Variants in ESRRB observed in about 807,000 individuals in gnomAD.
ESRRB encodes the protein steroid hormone receptor ERR2.
Under a neutral mutation model 46.0 loss-of-function variants are expected in ESRRB, and 16 were observed. The observed-to-expected ratio is 0.35, with a 90% CI of 0.24 to 0.53. The LOEUF is 0.53. Ranked by LOEUF, ESRRB falls within the 20% of genes least tolerant of loss-of-function variation. The probability of loss-of-function intolerance (pLI) is 0.93; values close to 1 mark genes in which losing one functional copy is unlikely to be tolerated. For missense variants in ESRRB, 488 were observed against 607.4 expected, an observed-to-expected ratio of 0.80 and a Z score of 2.07; for synonymous variants, 246 against 259.6, an observed-to-expected ratio of 0.95 and a Z score of 0.50.
At chr14:76,364,966 G>A (rs1884503952) in intron 1 of ESRRB, among the ~76,000 whole-genome samples, 2 of 152,068 alleles carry the variant, frequency 1.3e-5, no homozygotes, top group Admixed American at 1.3e-4. Context: ...AAAAACAAAC[G>A]ATAAGCTGTT....
At chr14:76,339,902 C>G (rs1352683904) in intron 1 of ESRRB, among the ~76,000 whole-genome samples, 5 of 152,182 alleles carry the variant, frequency 3.3e-5, no homozygotes, top group Non-Finnish European at 7.4e-5. Context: ...CCTCGTCACC[C>G]ATAATGAAGG....
intron 5 of ESRRB, among the ~76,000 whole-genome samples, chr14:76,489,260 C>T (rs1402312363): frequency 1.3e-5 from 2 of 152,086 alleles, no homozygotes; most frequent in African/African-American, 4.8e-5. Flanking sequence ...AACACTCCCC[C>T]CAACACACTC....
intron 3 of ESRRB, chr14:76,463,441 C>CTTTGTTTTTTTTGTTTTTT (rs1555342241): frequency 9.1e-6 from 1 of 110,418 alleles, no homozygotes; most frequent in Non-Finnish European, 1.8e-5. Flanking sequence ...TCACATGCTT[C>CTTTGTTTTTTTTGTTTTTT]TTTGTTTTTT....
At position 76,387,227 on chromosome 14, in the gene ESRRB, C is replaced by G. The variant is rs112143900; in HGVS notation, c.50+10776C>G. On this transcript the variant is annotated intron_variant, in intron 1 of 6. Coordinates refer to ENST00000644823, the MANE Select transcript of ESRRB (RefSeq NM_001379180.1). The stretch of plus-strand genomic sequence containing the variant: ...CTCGCCAACAGGGTACCAGCGGACC[C>G]CAGCTTCCCCTCATTCACCTCTCAG... Among the ~76,000 whole-genome samples the G allele has an allele frequency of 1.5e-3, 223 of 152,270 alleles. 2 individuals are homozygous for G. The highest frequency in any genetic ancestry group is 5.1e-3 in the African/African-American group (212 of 41,562).
rs565874551 is a variant in ESRRB, at chr14:76,447,032, G to A, written c.460+7282G>A. Reference sequence around the variant, plus strand: ...ACTAGAACTCCCTCAGCTTCCTGCCGCCAAACCGATGCACTCTCTTCCATG... The same window carrying A: ...ACTAGAACTCCCTCAGCTTCCTGCCACCAAACCGATGCACTCTCTTCCATG... On this transcript the variant is annotated intron_variant, in intron 2 of 6. Coordinates refer to ENST00000644823, the MANE Select transcript of ESRRB (RefSeq NM_001379180.1). Among the ~76,000 whole-genome samples, 4 of 152,156 alleles carry A rather than the reference G, an allele frequency of 2.6e-5. No individual in the cohort carries two copies. The South Asian group carries it at 6.2e-4, about 24-fold the overall frequency.
chr14:76,416,258 C>T (rs999734946), intron 1 of ESRRB, among the ~76,000 whole-genome samples: 3 of 151,592 alleles, frequency 2.0e-5, no homozygotes, highest in African/African-American at 4.9e-5. Context: ...TGCCTCAGCC[C>T]TCCAAGTAGC....
chr14:76,339,180 G>A (rs1208824188), intron 1 of ESRRB, among the ~76,000 whole-genome samples: 1 of 152,176 alleles, frequency 6.6e-6, no homozygotes, highest in African/African-American at 2.4e-5. Context: ...GCACACCCTA[G>A]TGGGTGCAGC....
chr14:76,432,802 G>C (rs977492877), intron 1 of ESRRB, among the ~76,000 whole-genome samples: 4 of 148,594 alleles, frequency 2.7e-5, no homozygotes, highest in Non-Finnish European at 5.9e-5. Context: ...CAGCCTCCCA[G>C]TAGCTAGGAC....
chr14:76,326,985 C>T lies in ESRRB; in HGVS notation c.2+16069C>T, dbSNP rs866403856. Among the ~76,000 whole-genome samples, 8 of 152,376 alleles carry T rather than the reference C, an allele frequency of 5.3e-5. No individual in the cohort carries two copies. The Middle Eastern group carries it at 0.014, about 259-fold the overall frequency. ...CCCCATGCCCAGTTTTTGGCAGCTT[C>T]CAGGGCTGGGAGAGCCTAGGCCTGG... is the stretch of plus-strand genomic sequence containing the variant. On this transcript the variant is annotated intron_variant, in intron 1 of 6. Coordinates refer to the ESRRB transcript ENST00000512784.
chr14:76,314,390 G>A (rs916289046), intron 1 of ESRRB, among the ~76,000 whole-genome samples: 10 of 152,242 alleles, frequency 6.6e-5, no homozygotes, highest in Non-Finnish European at 8.8e-5. Flanking sequence ...TCCCCAGATC[G>A]CTTCTCCTGC....
In ESRRB at chr14:76,501,094, T is replaced by A; in HGVS notation, c.*2636T>A. 3.4e-6 allele frequency: 1 copy of A among 292,866 alleles called. No individual in the cohort carries two copies. The highest frequency in any genetic ancestry group is 6.5e-6 in the Non-Finnish European group (1 of 154,734). The allele number at this position is 292,866 out of a possible 1,614,324, so 18.1% of individuals were successfully genotyped here. ...AAGTGAGGAGAGTTTAGGGGAACCT[T>A]CCCCCAGTGGAACAGATCTCAAGTT... On this transcript the variant is annotated 3_prime_UTR_variant, in exon 7 of 7. Coordinates refer to ENST00000644823, the MANE Select transcript of ESRRB (RefSeq NM_001379180.1).
intron 5 of ESRRB, among the ~76,000 whole-genome samples, chr14:76,486,771 C>A (rs1890038777): frequency 6.6e-6 from 1 of 152,170 alleles, no homozygotes; most frequent in Non-Finnish European, 1.5e-5. Flanking sequence ...CTGCAGTGAG[C>A]CCGGCACAGG....
intron 1 of ESRRB, among the ~76,000 whole-genome samples, chr14:76,420,611 G>A (rs1467756913): frequency 6.7e-6 from 1 of 149,776 alleles, no homozygotes; most frequent in East Asian, 2.0e-4. Flanking sequence ...ATGAGAGAGA[G>A]AGAGAGAGAC....
intron 3 of ESRRB, among the ~76,000 whole-genome samples, chr14:76,472,942 A>G (rs1889429962): frequency 2.0e-5 from 3 of 152,212 alleles, no homozygotes; most frequent in Admixed American, 6.5e-5. Context: ...AGCTTTGGAA[A>G]AATACTCATT....
chr14:76,390,419 G>T (rs1595071976), intron 1 of ESRRB, among the ~76,000 whole-genome samples: 2 of 152,236 alleles, frequency 1.3e-5, no homozygotes, highest in African/African-American at 4.8e-5. Flanking sequence ...AACCCAGGAG[G>T]TGGAGATTGC....
intron 1 of ESRRB, among the ~76,000 whole-genome samples, chr14:76,335,486 G>A (rs1236133649): frequency 6.6e-6 from 1 of 152,226 alleles, no homozygotes; most frequent in Non-Finnish European, 1.5e-5. Flanking sequence ...TTATAAAGGA[G>A]CTACTATGTG....
At chr14:76,415,797 G>C (rs958805148) in intron 1 of ESRRB, among the ~76,000 whole-genome samples, 1 of 152,170 alleles carries the variant, frequency 6.6e-6, no homozygotes, top group African/African-American at 2.4e-5. Context: ...ATGAGCCACT[G>C]CGCCTGATAA....
At chr14:76,476,207 C>T (rs1300052834) in intron 3 of ESRRB, among the ~76,000 whole-genome samples, 1 of 151,856 alleles carries the variant, frequency 6.6e-6, no homozygotes, top group East Asian at 1.9e-4. Context: ...TTTTTCTATT[C>T]ATGGAGCACT....
At chr14:76,380,013 C>T (rs940484373) in intron 1 of ESRRB, among the ~76,000 whole-genome samples, 11 of 152,034 alleles carry the variant, frequency 7.2e-5, no homozygotes, top group African/African-American at 2.4e-4. Flanking sequence ...AAGGAGGTGG[C>T]GGTGACAGAG....
Sources: gnomAD v4.1 joint callset for allele counts (sites outside exome capture counted in the v4.1 genomes callset) on GRCh38, gnomAD v4.1.1 for gene constraint, MANE v1.5 for transcripts, NCBI Gene and HGNC (gene_info 2026-07-23, HGNC 2026-07-21) for gene names.